The following KBTBD11 variants were observed in gnomAD, a reference collection of about 807,000 sequenced individuals.
The protein encoded by KBTBD11 is kelch repeat and BTB domain containing 11.
For synonymous variants in KBTBD11, 747 were observed against 499.0 expected, an observed-to-expected ratio of 1.50 and a Z score of -6.63; for missense variants, 1,390 against 1,001.8, an observed-to-expected ratio of 1.39 and a Z score of -5.23.
chr8:1,977,267 C>T (rs1816379806), intron 1 of KBTBD11, among the ~76,000 whole-genome samples: 1 of 152,080 alleles, frequency 6.6e-6, no homozygotes, highest in South Asian at 2.1e-4. Context: ...AAAGTGAAAT[C>T]ATTAAATAGG....
Position 2,002,747 on chromosome 8 carries a change from C to T in KBTBD11, c.1555C>T (p.Pro519Ser). The stretch of plus-strand genomic sequence containing the variant: ...CCGCGGCGAGGCGCAGGCGGCGGGG[C>T]CGAGCGGGGTCAGCGTGTCCCGATA... ...GSRGEAQAAG[P>S]SGVSVSRYHC... The change falls in exon 2 of 2, where the codon CCG (proline) becomes TCG (serine). Residue 519 changes from proline to serine, a missense_variant. Pro to Ser is a moderately conservative substitution (Grantham distance 74). Transcript: ENST00000320248. The surrounding 1 kb of genome is among the most constrained non-coding windows in gnomAD (Gnocchi z 4.1). 6.7e-7 allele frequency: 1 copy of T among 1,495,174 alleles called. No homozygotes were observed. Among genetic ancestry groups the T allele is most frequent in the Non-Finnish European group, 8.9e-7 (1 of 1,129,464 alleles). 92.6% of individuals were successfully genotyped at this position (1,495,174 alleles called of 1,614,324 possible). A position where few individuals can be genotyped will look rare whatever the true frequency, so the allele number is the denominator to read the frequency against.
At position 2,002,257 on chromosome 8, in the gene KBTBD11, C is replaced by A; in HGVS notation, c.1065C>A (p.Cys355Ter). The change falls in exon 2 of 2, where the codon TGC becomes TGA. Residue 355 changes from cysteine to a stop codon, truncating the protein, a stop_gained. Coordinates refer to ENST00000320248, the MANE Select transcript of KBTBD11 (RefSeq NM_014867.3). LOFTEE classifies it low-confidence loss of function (END_TRUNC). This position sits in a 1 kb window ranked among gnomAD's most constrained non-coding sequence, Gnocchi z 4.1. ...EGAPARGCGL[C>*]VLYNYLFVAG... ...CGCCGGCGCGGGGCTGCGGCCTGTG[C>A]GTCCTCTACAACTACCTCTTCGTGG... is the stretch of plus-strand genomic sequence containing the variant. The A allele has an allele frequency of 7.7e-7, 1 of 1,301,240 alleles. No homozygotes were observed. Among genetic ancestry groups the A allele is most frequent in the Non-Finnish European group, 9.7e-7 (1 of 1,031,874 alleles). The allele number at this position is 1,301,240 out of a possible 1,614,324, so 80.6% of individuals were successfully genotyped here.
intron 1 of KBTBD11, among the ~76,000 whole-genome samples, chr8:1,988,130 A>G (rs947873711): frequency 6.6e-6 from 1 of 152,128 alleles, no homozygotes; most frequent in Non-Finnish European, 1.5e-5. Context: ...CCAGTCTATC[A>G]TTGTTGGACA....
intron 1 of KBTBD11, among the ~76,000 whole-genome samples, 186 bp downstream of exon 1, chr8:1,974,121 A>C (rs62478191): frequency 4.6e-4 from 1 of 2,194 alleles, no homozygotes; most frequent in East Asian, 0.014. Context: ...GAGGGAGGGG[A>C]GCGGAGCGGA....
chr8:1,980,228 C>CATTT (rs371100445), intron 1 of KBTBD11, among the ~76,000 whole-genome samples: 1 of 124,620 alleles, frequency 8.0e-6, no homozygotes, highest in East Asian at 2.4e-4. Context: ...GATAATCAAA[C>CATTT]TTTTTTTTTT....
Position 2,001,684 on chromosome 8 carries a change from C to G in KBTBD11, c.492C>G (p.Tyr164Ter), listed in dbSNP as rs1411089603. 3 of 1,444,160 alleles carry G rather than the reference C, an allele frequency of 2.1e-6. No homozygotes were observed. The highest frequency in any genetic ancestry group is 2.7e-6 in the Non-Finnish European group (3 of 1,103,928). The allele number at this position is 1,444,160 out of a possible 1,614,324, so 89.5% of individuals were successfully genotyped here. The change falls in exon 2 of 2, where the codon TAC becomes TAG. Residue 164 changes from tyrosine to a stop codon, truncating the protein, a stop_gained. Coordinates refer to ENST00000320248, the MANE Select transcript of KBTBD11 (RefSeq NM_014867.3). LOFTEE classifies it low-confidence loss of function (END_TRUNC). ...HKAVLAARSD[Y>*]FRARASRDVL... ...CGGTGCTGGCGGCGCGCAGCGACTA[C>G]TTCCGCGCGCGCGCGTCGCGGGACG...
chr8:1,982,979 G>A (rs1816589995), intron 1 of KBTBD11, among the ~76,000 whole-genome samples: 1 of 152,152 alleles, frequency 6.6e-6, no homozygotes, highest in Admixed American at 6.5e-5. Flanking sequence ...ACTCACCTTG[G>A]CCTCTCAGAG....
chr8:1,987,482 C>T (rs564642335), intron 1 of KBTBD11, among the ~76,000 whole-genome samples: 7 of 152,228 alleles, frequency 4.6e-5, no homozygotes, highest in East Asian at 1.9e-4. Context: ...CTTTAAACGC[C>T]GTCAGCAGAT....
At chr8:1,987,248 A>G (rs1816735408) in intron 1 of KBTBD11, among the ~76,000 whole-genome samples, 1 of 152,166 alleles carries the variant, frequency 6.6e-6, no homozygotes, top group South Asian at 2.1e-4. Context: ...AGAATTATCC[A>G]GTATCTTTTT....
intron 1 of KBTBD11, among the ~76,000 whole-genome samples, chr8:1,980,288 G>A (rs949241707): frequency 1.6e-4 from 23 of 140,956 alleles, no homozygotes; most frequent in Middle Eastern, 4.4e-3. Context: ...GTGCAGTGGC[G>A]CAATCTCAGC....
rs1172647502 is a variant in KBTBD11, at chr8:2,002,649, G to C, written c.1457G>C (p.Ser486Thr). ...RRDEWQECPC[S>T]SSRERSADMV... Reference sequence around the variant, plus strand: ...GACGAGTGGCAGGAGTGCCCGTGCAGCAGCAGCCGCGAGCGCTCGGCCGAC... The same window carrying C: ...GACGAGTGGCAGGAGTGCCCGTGCACCAGCAGCCGCGAGCGCTCGGCCGAC... The change falls in exon 2 of 2, where the codon AGC becomes ACC. Residue 486 changes from serine to threonine, a missense_variant. Transcript: ENST00000320248. This position sits in a 1 kb window ranked among gnomAD's most constrained non-coding sequence, Gnocchi z 4.1. The C allele has an allele frequency of 1.9e-6, 3 of 1,576,994 alleles. No homozygotes were observed. The South Asian group carries it at 3.4e-5, about 18-fold the overall frequency.
chr8:1,997,641 C>G (rs545675797), intron 1 of KBTBD11, among the ~76,000 whole-genome samples: 58 of 152,384 alleles, frequency 3.8e-4, no homozygotes, highest in Non-Finnish European at 2.9e-5. Context: ...GCTGCTGCTA[C>G]TCAACAGCGT....
At position 2,006,304 on chromosome 8, in the gene KBTBD11, G is replaced by C. The variant is rs574561021; in HGVS notation, c.*3240G>C. On this transcript the variant is annotated 3_prime_UTR_variant, in exon 2 of 2. Transcript: ENST00000320248. ...CAACGTTCTTTTGTCTTTTGCTGAA[G>C]TCAGGATAGATTCAAGACATAATCT... 6.0e-6 allele frequency: 1 copy of C among 167,048 alleles called. No individual in the cohort carries two copies. The highest frequency in any genetic ancestry group is 2.4e-5 in the African/African-American group (1 of 41,458). 10.3% of individuals were successfully genotyped at this position (167,048 alleles called of 1,614,324 possible).
chr8:1,974,331 C>T (rs1238093043), intron 1 of KBTBD11: 5 of 984,390 alleles, frequency 5.1e-6, no homozygotes, highest in Non-Finnish European at 6.0e-6. Flanking sequence ...CGCCCGCAGT[C>T]ACCGCCCCCG....
Position 2,002,313 on chromosome 8 carries a change from GC to G in KBTBD11, c.1123del (p.Arg375AlafsTer21). On this transcript the variant is annotated frameshift_variant, in exon 2 of 2. Transcript: ENST00000320248. LOFTEE classifies it low-confidence loss of function (END_TRUNC). The surrounding 1 kb of genome is among the most constrained non-coding windows in gnomAD (Gnocchi z 4.1). ...AGGVAPAGPD[G>X]RARPSDQVFC... ...GGCGTGGCGCCCGCGGGCCCCGACG[GC>G]CGCGCGCGCCCGTCCGACCAGGTCT... 7.3e-7 allele frequency: 1 copy of G among 1,367,182 alleles called. No individual in the cohort carries two copies. The highest frequency in any genetic ancestry group is 9.4e-7 in the Non-Finnish European group (1 of 1,068,626). The allele number at this position is 1,367,182 out of a possible 1,614,324, so 84.7% of individuals were successfully genotyped here.
intron 1 of KBTBD11, among the ~76,000 whole-genome samples, chr8:1,992,634 C>A (rs1417997122): frequency 6.6e-6 from 1 of 151,956 alleles, no homozygotes; most frequent in South Asian, 2.1e-4. Context: ...CAATCCCCAT[C>A]CTTATTTTCA....
intron 1 of KBTBD11, among the ~76,000 whole-genome samples, chr8:1,997,525 C>T (rs1327821583): frequency 2.6e-5 from 4 of 152,242 alleles, no homozygotes; most frequent in Non-Finnish European, 2.9e-5. Flanking sequence ...CAGGGAGACC[C>T]GCGGCAGGGC....
rs1817398284 is a variant in KBTBD11, at chr8:2,002,140, G to GGGGGACGCGGACGCGCGC, written c.959_976dup (p.Asp320_Ala325dup). On this transcript the variant is annotated inframe_insertion, in exon 2 of 2. Coordinates refer to ENST00000320248, the MANE Select transcript of KBTBD11 (RefSeq NM_014867.3). The surrounding 1 kb of genome is among the most constrained non-coding windows in gnomAD (Gnocchi z 4.1). The stretch of plus-strand genomic sequence containing the variant: ...CGGGCAGCCGGCCTCAGAGCCCCTC[G>GGGGGACGCGGACGCGCGC]GGGGACGCGGACGCGCGCGGGGACG... 5 of 1,166,298 alleles carry GGGGGACGCGGACGCGCGC rather than the reference G, an allele frequency of 4.3e-6. No individual in the cohort carries two copies. The highest frequency in any genetic ancestry group is 4.8e-5 in the Admixed American group (1 of 20,798). The allele number at this position is 1,166,298 out of a possible 1,614,324, so 72.2% of individuals were successfully genotyped here.
chr8:1,993,958 C>CACACACAAAA (rs1554527404), intron 1 of KBTBD11, among the ~76,000 whole-genome samples: 3 of 148,244 alleles, frequency 2.0e-5, no homozygotes, highest in South Asian at 4.3e-4. Context: ...CACACACACA[C>CACACACAAAA]AAAACCCCAT....
Sources: allele counts gnomAD v4.1 joint callset (sites outside exome capture counted in the v4.1 genomes callset), GRCh38; gene constraint gnomAD v4.1.1; non-coding constraint Gnocchi (gnomAD v3.1); transcripts MANE v1.5; gene names NCBI Gene and HGNC (gene_info 2026-07-23, HGNC 2026-07-21).